The following PDE6C variants were observed in gnomAD, a reference collection of about 807,000 sequenced individuals.
The protein encoded by PDE6C is cone cGMP-specific 3',5'-cyclic phosphodiesterase subunit alpha'.
In PDE6C, 75 loss-of-function variants were observed where a neutral mutation model predicts 113.1. The ratio of observed to expected loss-of-function variants is 0.66; its 90% CI spans 0.55 to 0.80. PDE6C has a LOEUF of 0.80. Ranked by LOEUF, PDE6C falls within the 30% of genes least tolerant of loss-of-function variation. The pLI is 0.00. For synonymous variants in PDE6C, 375 were observed against 363.7 expected (o/e 1.03, Z -0.35); for missense variants, 912 against 1,038.6 (o/e 0.88, Z 1.67).
intron 14 of PDE6C, among the ~76,000 whole-genome samples, chr10:93,641,450 T>A (rs1353791570): frequency 6.6e-6 from 1 of 151,938 alleles, no homozygotes; most frequent in African/African-American, 2.4e-5. Flanking sequence ...GCCAACATGG[T>A]GAAACCCTGT....
chr10:93,614,326 ACT>A (rs888215373), intron 1 of PDE6C, among the ~76,000 whole-genome samples: 8 of 151,988 alleles, frequency 5.3e-5, no homozygotes, highest in Non-Finnish European at 1.2e-4. Flanking sequence ...AACACGAGTG[ACT>A]CTCTGCAAAC....
chr10:93,640,117 C>G lies in PDE6C; in HGVS notation c.1530C>G (p.Arg510=). The G allele has an allele frequency of 6.2e-7, 1 of 1,613,950 alleles. No homozygotes were observed. The highest frequency in any genetic ancestry group is 8.5e-7 in the Non-Finnish European group (1 of 1,179,828). The change falls in exon 12 of 22, where the codon CGC becomes CGG. Residue 510 remains arginine (R), a synonymous_variant. Transcript: ENST00000371447. ...DPRSAELYEF[R]FSDFPLTEHG... is the part of the protein sequence containing the mutation. The stretch of plus-strand genomic sequence containing the variant: ...GCTCAGCAGAACTGTACGAATTCCG[C>G]TTCAGTGACTTCCCCCTTACAGAGC...
chr10:93,634,862 G>A lies in PDE6C; in HGVS notation c.1224G>A (p.Arg408=). ...TGGGAGTGGCTACATTTTACAACAGGAAGGATGGAAAACCTTTCGATGAGC... is the reference window on the plus strand; with the variant it reads ...TGGGAGTGGCTACATTTTACAACAGAAAGGATGGAAAACCTTTCGATGAGC... ...DIVGVATFYN[R]KDGKPFDEHD... The change falls in exon 9 of 22, where the codon AGG becomes AGA. Residue 408 remains arginine, a synonymous_variant. Coordinates refer to ENST00000371447, the MANE Select transcript of PDE6C (RefSeq NM_006204.4). 3 of 1,614,072 alleles carry A rather than the reference G, an allele frequency of 1.9e-6. No individual in the cohort carries two copies. Among genetic ancestry groups the A allele is most frequent in the Non-Finnish European group, 2.5e-6 (3 of 1,179,992 alleles).
At chr10:93,639,597 G>T (rs1392438628) in intron 11 of PDE6C, among the ~76,000 whole-genome samples, 1 of 152,182 alleles carries the variant, frequency 6.6e-6, no homozygotes, top group Non-Finnish European at 1.5e-5. Context: ...ATAAGCAGAT[G>T]ATCCCCACCC....
chr10:93,630,015 G>T (rs904691326), intron 8 of PDE6C, among the ~76,000 whole-genome samples: 5 of 152,090 alleles, frequency 3.3e-5, no homozygotes, highest in East Asian at 1.9e-4. Context: ...TGCATGAATG[G>T]CTGGCTACCT....
intron 9 of PDE6C, 139 bp from the exon 10 acceptor site, chr10:93,635,358 T>C: frequency 1.5e-6 from 1 of 682,480 alleles, no homozygotes; most frequent in Non-Finnish European, 2.6e-6. Context: ...TGATTATTAG[T>C]ATGTTTTTCT....
At chr10:93,631,694 C>G (rs531477077) in intron 8 of PDE6C, among the ~76,000 whole-genome samples, 1 of 152,196 alleles carries the variant, frequency 6.6e-6, no homozygotes, top group Non-Finnish European at 1.5e-5. Context: ...TTTTGTGCTC[C>G]GTCTTCTGAT....
At chr10:93,622,603 C>T (rs553251300) in intron 4 of PDE6C, among the ~76,000 whole-genome samples, 18 of 149,636 alleles carry the variant, frequency 1.2e-4, no homozygotes, top group African/African-American at 4.4e-4. Context: ...CATATTCAAC[C>T]TTTCCTCACC....
chr10:93,642,190 C>T (rs557547724), intron 14 of PDE6C, among the ~76,000 whole-genome samples: 44 of 152,092 alleles, frequency 2.9e-4, no homozygotes, highest in African/African-American at 1.0e-3. Flanking sequence ...ATGGTGAAAC[C>T]CCATCTTTAC....
chr10:93,655,649 A>AAAAAAAAAAAAGTGTT, intron 15 of PDE6C, 111 bp from the exon 16 acceptor site: 2 of 659,314 alleles, frequency 3.0e-6, no homozygotes, highest in Non-Finnish European at 5.5e-6. Flanking sequence ...CAAAAAAAAA[A>AAAAAAAAAAAAGTGTT]CAAACAAAAA....
intron 1 of PDE6C, among the ~76,000 whole-genome samples, chr10:93,615,937 G>A (rs1365421365): frequency 3.3e-5 from 5 of 152,174 alleles, no homozygotes; most frequent in Non-Finnish European, 5.9e-5. Context: ...GGGTTGGAAC[G>A]GAGGTGGCTG....
At chr10:93,638,084 C>T (rs1218659002) in intron 11 of PDE6C, among the ~76,000 whole-genome samples, 4 of 152,064 alleles carry the variant, frequency 2.6e-5, no homozygotes, top group Non-Finnish European at 5.9e-5. Flanking sequence ...TACGAAGACC[C>T]CAAGACCTTG....
Position 93,613,080 on chromosome 10 carries a change from C to T in PDE6C, c.355C>T (p.Pro119Ser). 6.2e-7 allele frequency: 1 copy of T among 1,614,184 alleles called. No individual in the cohort carries two copies. The highest frequency in any genetic ancestry group is 8.5e-7 in the Non-Finnish European group (1 of 1,180,036). Residue 119 changes from proline to serine, a missense_variant, in exon 1 of 22, where the codon CCC (proline) becomes TCC (serine). Pro to Ser is a moderately conservative substitution (Grantham distance 74). Coordinates refer to ENST00000371447, the MANE Select transcript of PDE6C (RefSeq NM_006204.4). The part of the protein sequence containing the change: ...EVASRLLDVT[P>S]TSKFEDNLVG... ...GGCCTCTAGGTTGCTGGATGTCACCCCCACCTCCAAGTTTGAGGACAACCT... is the reference window on the plus strand; with the variant it reads ...GGCCTCTAGGTTGCTGGATGTCACCTCCACCTCCAAGTTTGAGGACAACCT...
rs577562491 is a variant in PDE6C, at chr10:93,636,880, G to T, written c.1414-115G>T. 3.4e-5 allele frequency: 24 copies of T among 697,592 alleles called. No individual in the cohort carries two copies. In the African/African-American group the frequency reaches 3.5e-4, roughly 10 times the overall value. 43.2% of individuals were successfully genotyped at this position (697,592 alleles called of 1,614,324 possible). ...ACTCCTGGGCTCCAGGGATCTTCCC[G>T]CCTCTTCCTCCCACATATTTTAAAT... On this transcript the variant is annotated intron_variant, in intron 10 of 21. Transcript: ENST00000371447.
At chr10:93,643,177 C>T (rs1020970264) in intron 14 of PDE6C, among the ~76,000 whole-genome samples, 1 of 152,072 alleles carries the variant, frequency 6.6e-6, no homozygotes, top group Non-Finnish European at 1.5e-5. Flanking sequence ...GAAGTTAAAC[C>T]TTCCCTAGGT....
At chr10:93,646,640 T>C (rs1477313958) in intron 15 of PDE6C, among the ~76,000 whole-genome samples, 6 of 152,096 alleles carry the variant, frequency 3.9e-5, no homozygotes, top group African/African-American at 2.4e-5. Flanking sequence ...GCACTTCATA[T>C]GGCCAGAGCA....
At chr10:93,635,035 C>G (rs1308145263) in intron 9 of PDE6C, 128 bp downstream of exon 9, 4 of 949,126 alleles carry the variant, frequency 4.2e-6, no homozygotes, top group Admixed American at 2.0e-5. Flanking sequence ...TAGCTGTAAC[C>G]AATATGTTGT....
At chr10:93,629,010 G>C (rs1474253459) in intron 7 of PDE6C, among the ~76,000 whole-genome samples, 1 of 152,182 alleles carries the variant, frequency 6.6e-6, no homozygotes, top group East Asian at 1.9e-4. Flanking sequence ...GGATTCCCTG[G>C]AGTCTGGGGG....
rs140469169 is a variant in PDE6C at position 93,612,944 on chromosome 10, G to T, written c.219G>T (p.Gly73=). The T allele has an allele frequency of 8.6e-5, 138 of 1,613,948 alleles. No homozygotes were observed. The African/African-American group carries it at 1.8e-3, about 21-fold the overall frequency. The change falls in exon 1 of 22, where the codon GGG becomes GGT. Residue 73 remains glycine (G), a synonymous_variant. Transcript: ENST00000371447. ...TGCTGTGGACCGTGCAGGAGGAGGGGGGCACCCCAGAGCAGGGGGTTCACA... is the reference window on the plus strand; with the variant it reads ...TGCTGTGGACCGTGCAGGAGGAGGGTGGCACCCCAGAGCAGGGGGTTCACA... ...LELLWTVQEE[G]GTPEQGVHRA... is the part of the protein sequence containing the mutation.
Sources: gnomAD v4.1 joint callset for allele counts (sites outside exome capture counted in the v4.1 genomes callset) on GRCh38, gnomAD v4.1.1 for gene constraint, MANE v1.5 for transcripts, NCBI Gene and HGNC (gene_info 2026-07-23, HGNC 2026-07-21) for gene names.